The following CDC25C variants were observed in gnomAD, a reference collection of about 807,000 sequenced individuals.
CDC25C encodes the protein M-phase inducer phosphatase 3.
Under a neutral mutation model 52.5 loss-of-function variants are expected in CDC25C, and 48 were observed. The observed-to-expected ratio is 0.91, with a 90% CI of 0.72 to 1.16. CDC25C has a LOEUF of 1.16. CDC25C is among the 50% of genes most tolerant of loss of function. The probability of loss-of-function intolerance (pLI) is 0.00; values close to 1 mark genes in which losing one functional copy is unlikely to be tolerated. For synonymous variants in CDC25C, 187 were observed against 206.5 expected (o/e 0.91, Z 0.81); for missense variants, 510 against 566.1 (o/e 0.90, Z 1.01).
Position 138,319,446 on chromosome 5 carries a change from A to G in CDC25C, c.460-72T>C, listed in dbSNP as rs1221902826. ...AGTTCTAAATGTAAGAGCTAAAACT[A>G]TAAAACTCTTAGAAGAAAAGATAAG... On this transcript the variant is annotated intron_variant, in intron 6 of 13. Coordinates refer to ENST00000323760, the MANE Select transcript of CDC25C (RefSeq NM_001790.5). The G allele has an allele frequency of 2.6e-6, 3 of 1,166,352 alleles. No homozygotes were observed. In the African/African-American group the frequency reaches 4.7e-5, roughly 18 times the overall value. The allele number at this position is 1,166,352 out of a possible 1,614,324, so 72.3% of individuals were successfully genotyped here. A position where few individuals can be genotyped will look rare whatever the true frequency, so the allele number is the denominator to read the frequency against.
chr5:138,295,097 A>G (rs975180432), intron 7 of CDC25C, among the ~76,000 whole-genome samples: 2 of 152,220 alleles, frequency 1.3e-5, no homozygotes, highest in African/African-American at 4.8e-5. Context: ...ATTTGTTAAA[A>G]AGACTGTACT....
At chr5:138,288,248 T>C (rs1191725954) in intron 10 of CDC25C, among the ~76,000 whole-genome samples, 2 of 152,124 alleles carry the variant, frequency 1.3e-5, no homozygotes, top group African/African-American at 2.4e-5. Flanking sequence ...GCTAATTTTA[T>C]ATTTTTAGTA....
chr5:138,318,206 G>A (rs1190625047), intron 7 of CDC25C, among the ~76,000 whole-genome samples: 4 of 152,032 alleles, frequency 2.6e-5, no homozygotes, highest in Admixed American at 6.6e-5. Flanking sequence ...GGCGTGCTTT[G>A]GGAGGCTGAG....
chr5:138,317,816 A>G (rs1759020105), intron 7 of CDC25C, among the ~76,000 whole-genome samples: 1 of 152,282 alleles, frequency 6.6e-6, no homozygotes, highest in African/African-American at 2.4e-5. Flanking sequence ...GTGATATGGG[A>G]AAGAAAAAAG....
intron 10 of CDC25C, among the ~76,000 whole-genome samples, chr5:138,287,886 A>C (rs1367917083): frequency 1.3e-5 from 2 of 152,234 alleles, no homozygotes; most frequent in African/African-American, 4.8e-5. Flanking sequence ...GCATTGTTTT[A>C]TATTATCAAT....
intron 6 of CDC25C, among the ~76,000 whole-genome samples, chr5:138,321,099 CAT>C (rs923304875): frequency 1.6e-4 from 24 of 151,802 alleles, no homozygotes; most frequent in Admixed American, 1.1e-3. Context: ...CACACACACA[CAT>C]GAAAGGACAA....
intron 1 of CDC25C, 101 bp from the exon 2 acceptor site, chr5:138,331,319 G>T: frequency 1.2e-6 from 1 of 847,572 alleles, no homozygotes; most frequent in Non-Finnish European, 1.8e-6. Flanking sequence ...TGGAAGAGGG[G>T]CAACCCCGAA....
At chr5:138,288,823 A>G (rs1416482700) in intron 10 of CDC25C, among the ~76,000 whole-genome samples, 1 of 152,224 alleles carries the variant, frequency 6.6e-6, no homozygotes, top group Non-Finnish European at 1.5e-5. Context: ...GAAAGCAAAC[A>G]CTATTAATAA....
chr5:138,289,027 C>T lies in CDC25C; in HGVS notation c.927+474G>A, dbSNP rs566772044. On this transcript the variant is annotated intron_variant, in intron 10 of 13. Coordinates refer to ENST00000323760, the MANE Select transcript of CDC25C (RefSeq NM_001790.5). ...TCGCCCAGGCTGGAGTACAGTGGCA[C>T]GATCTCTGCTCACTGCAACCTCCCC... 3.9e-5 allele frequency among the ~76,000 whole-genome samples: 6 copies of T among 152,150 alleles called. No homozygotes were observed. The South Asian group carries it at 1.2e-3, about 32-fold the overall frequency.
chr5:138,328,773 A>T, intron 3 of CDC25C: 2 of 340,692 alleles, frequency 5.9e-6, no homozygotes, highest in Non-Finnish European at 1.1e-5. Flanking sequence ...CTACCTATGG[A>T]GTTTTTTTTT....
chr5:138,338,024 G>T, exon 1 of CDC25C: 5 of 1,289,720 alleles, frequency 3.9e-6, no homozygotes, highest in Non-Finnish European at 5.1e-6. Flanking sequence ...CACTTTCTGC[G>T]ATATTTTGGA....
At chr5:138,329,393 G>C (rs575220161) in intron 3 of CDC25C, among the ~76,000 whole-genome samples, 160 bp downstream of exon 3, 12 of 152,100 alleles carry the variant, frequency 7.9e-5, no homozygotes, top group Non-Finnish European at 1.5e-5. Flanking sequence ...CTTCCCATTG[G>C]CTTAATCATT....
rs1469072129 is a variant in CDC25C at position 138,331,166 on chromosome 5, G to A, written c.15C>T (p.Leu5=). 6.2e-7 allele frequency: 1 copy of A among 1,614,118 alleles called. No individual in the cohort carries two copies. Among genetic ancestry groups the A allele is most frequent in the Admixed American group, 1.7e-5 (1 of 60,028 alleles). Residue 5 remains leucine, a synonymous_variant, in exon 2 of 14, where the codon CTC becomes CTT. Coordinates refer to ENST00000323760, the MANE Select transcript of CDC25C (RefSeq NM_001790.5). ...TTCCTTCCTCTCTTGTGGATGAGAA[G>A]AGTTCCGTAGACATGGTCTTCGAAT... is the stretch of plus-strand genomic sequence containing the variant. MSTE[L]FSSTREEGSS...
chr5:138,332,592 G>A (rs185406095), upstream of CDC25C, among the ~76,000 whole-genome samples: 474 of 152,212 alleles, frequency 3.1e-3, 4 homozygotes, highest in African/African-American at 0.011. Context: ...TTGGCCGGAC[G>A]CGTTGGCCCA....
chr5:138,331,764 C>G lies in CDC25C; in HGVS notation c.-208G>C, dbSNP rs1009701060. ...AGGCCAACGTCGGACTCAGAGTCTT[C>G]CCTGAGCAGAAGGCCAAAGTTACGG... On this transcript the variant is annotated 5_prime_UTR_variant, in exon 1 of 14. Transcript: ENST00000323760. 3.0e-6 allele frequency: 3 copies of G among 987,134 alleles called. No homozygotes were observed. The African/African-American group carries it at 5.2e-5, about 17-fold the overall frequency. 61.1% of individuals were successfully genotyped at this position (987,134 alleles called of 1,614,324 possible).
intron 2 of CDC25C, among the ~76,000 whole-genome samples, chr5:138,330,232 C>T (rs1373099549): frequency 6.6e-6 from 1 of 151,672 alleles, no homozygotes; most frequent in East Asian, 1.9e-4. Context: ...AGTTTATTGG[C>T]CGAGGGGGAT....
intron 7 of CDC25C, among the ~76,000 whole-genome samples, chr5:138,295,761 A>G (rs1364713329): frequency 6.6e-6 from 1 of 152,220 alleles, no homozygotes; most frequent in African/African-American, 2.4e-5. Context: ...CTAGCTAGTT[A>G]GAAGTTTCCC....
intron 7 of CDC25C, among the ~76,000 whole-genome samples, chr5:138,299,689 C>G (rs1242303813): frequency 6.6e-6 from 1 of 150,724 alleles, no homozygotes; most frequent in African/African-American, 2.4e-5. Context: ...GCTATAAATG[C>G]CTAAAATAAA....
chr5:138,291,785 TA>T (rs1237508174), intron 8 of CDC25C, among the ~76,000 whole-genome samples, 184 bp downstream of exon 8: 3 of 103,260 alleles, frequency 2.9e-5, no homozygotes, highest in East Asian at 7.8e-4. Flanking sequence ...AAATATTTTA[TA>T]TATATATATA....
Sources: gnomAD v4.1 joint callset for allele counts (sites outside exome capture counted in the v4.1 genomes callset) on GRCh38, gnomAD v4.1.1 for gene constraint, MANE v1.5 for transcripts, NCBI Gene and HGNC (gene_info 2026-07-23, HGNC 2026-07-21) for gene names.